The following UBE2L3 variants were observed in gnomAD, a reference collection of about 807,000 sequenced individuals.
UBE2L3 encodes ubiquitin conjugating enzyme E2 L3, also known as ubiquitin-conjugating enzyme E2 L3.
UBE2L3 carries 1 observed loss-of-function variant against 17.8 expected under a neutral mutation model. That is an observed-to-expected ratio of 0.06 (90% confidence interval 0.02 to 0.27). The LOEUF (loss-of-function observed/expected upper bound fraction) is 0.27, where lower values mean the gene tolerates loss of function less well. UBE2L3 is among the 10% of genes least tolerant of loss of function. The pLI is 1.00. For missense variants in UBE2L3, 40 were observed against 192.6 expected, an observed-to-expected ratio of 0.21 and a Z score of 4.69; for synonymous variants, 44 against 68.5, an observed-to-expected ratio of 0.64 and a Z score of 1.76.
intron 1 of UBE2L3, among the ~76,000 whole-genome samples, chr22:21,556,629 AT>A (rs780653296): frequency 5.4e-4 from 71 of 130,392 alleles, no homozygotes; most frequent in Middle Eastern, 3.9e-3. Flanking sequence ...TTTTTTTTGT[AT>A]TTTTTTTTTT....
At chr22:21,614,797 A>G (rs1453466620) in intron 3 of UBE2L3, 1 of 238,032 alleles carries the variant, frequency 4.2e-6, no homozygotes, top group Non-Finnish European at 6.8e-6. Flanking sequence ...TGTTCATAGC[A>G]CCATTATTCA....
upstream of UBE2L3, among the ~76,000 whole-genome samples, chr22:21,563,074 T>G (rs1180476110): frequency 6.7e-6 from 1 of 150,272 alleles, no homozygotes; most frequent in African/African-American, 2.5e-5. Flanking sequence ...AAACCCCGTC[T>G]CTACTAAAAA....
chr22:21,562,993 C>T (rs1601385653), upstream of UBE2L3, among the ~76,000 whole-genome samples: 1 of 151,804 alleles, frequency 6.6e-6, no homozygotes, highest in South Asian at 2.1e-4. Context: ...CCTGTAATCC[C>T]AGCACTTTGG....
chr22:21,567,579 G>C, upstream of UBE2L3: 2 of 1,444,600 alleles, frequency 1.4e-6, no homozygotes, highest in South Asian at 2.9e-5. Flanking sequence ...CGGTTCACTT[G>C]CGTTCCTCCA....
At chr22:21,568,041 C>T (rs1328144426) in intron 1 of UBE2L3, 11 of 1,285,272 alleles carry the variant, frequency 8.6e-6, no homozygotes, top group Non-Finnish European at 9.8e-6. Context: ...GGAGCTTGGC[C>T]GCGTCCCCCT....
At chr22:21,589,869 A>G (rs1258811699) in intron 1 of UBE2L3, among the ~76,000 whole-genome samples, 1 of 152,116 alleles carries the variant, frequency 6.6e-6, no homozygotes, top group Non-Finnish European at 1.5e-5. Context: ...TGATAACCCT[A>G]CTTAGGATTC....
At chr22:21,617,790 T>C (rs1333159451) in intron 3 of UBE2L3, among the ~76,000 whole-genome samples, 1 of 152,216 alleles carries the variant, frequency 6.6e-6, no homozygotes. Context: ...TCAGCTCAGC[T>C]GAAGTTTATT....
chr22:21,557,761 T>G (rs1926289196), intron 1 of UBE2L3, among the ~76,000 whole-genome samples: 2 of 152,242 alleles, frequency 1.3e-5, no homozygotes, highest in Non-Finnish European at 2.9e-5. Context: ...GACCTCGTGA[T>G]CCACCCTCTT....
chr22:21,566,612 G>A (rs1178196899), upstream of UBE2L3, among the ~76,000 whole-genome samples: 1 of 151,204 alleles, frequency 6.6e-6, no homozygotes, highest in African/African-American at 2.4e-5. Flanking sequence ...ATCTGACCAT[G>A]GAGTCAATAC....
chr22:21,587,801 C>T (rs966695380), intron 1 of UBE2L3, among the ~76,000 whole-genome samples: 1 of 152,208 alleles, frequency 6.6e-6, no homozygotes, highest in African/African-American at 2.4e-5. Flanking sequence ...CCATGCTTCA[C>T]ACTTTGCCCT....
At chr22:21,557,647 C>T (rs1348397767) in intron 1 of UBE2L3, among the ~76,000 whole-genome samples, 6 of 152,180 alleles carry the variant, frequency 3.9e-5, no homozygotes, top group East Asian at 1.9e-4. Flanking sequence ...CTCAGCCTCC[C>T]GAGTAGCTGG....
At chr22:21,572,032 T>C (rs1002253104) in intron 1 of UBE2L3, among the ~76,000 whole-genome samples, 1 of 152,196 alleles carries the variant, frequency 6.6e-6, no homozygotes, top group Non-Finnish European at 1.5e-5. Context: ...AAGTTGGGAC[T>C]GTTTCAGCCT....
At chr22:21,597,224 T>C (rs1465548163) in intron 2 of UBE2L3, among the ~76,000 whole-genome samples, 1 of 151,994 alleles carries the variant, frequency 6.6e-6, no homozygotes, top group Non-Finnish European at 1.5e-5. Context: ...AAGTGATCTG[T>C]CCGCCTCAGC....
At position 21,582,671 on chromosome 22, in the gene UBE2L3, G is replaced by A. The variant is rs541099274; in HGVS notation, c.28-10190G>A. On this transcript the variant is annotated intron_variant, in intron 1 of 3. Coordinates refer to ENST00000342192, the MANE Select transcript of UBE2L3 (RefSeq NM_003347.4). ...CACCCGAGTAGCTGGGATTACAGGC[G>A]CTTGCCACCACGCCCAGTTAATTTT... is the stretch of plus-strand genomic sequence containing the variant. Among the ~76,000 whole-genome samples the A allele has an allele frequency of 8.3e-4, 126 of 152,110 alleles. No individual in the cohort carries two copies. The Middle Eastern group carries it at 0.01, about 12-fold the overall frequency.
upstream of UBE2L3, among the ~76,000 whole-genome samples, chr22:21,564,672 T>C (rs1043853722): frequency 2.0e-5 from 3 of 152,234 alleles, no homozygotes; most frequent in African/African-American, 7.2e-5. Context: ...GATCCCACTC[T>C]GTATTCTCAG....
At chr22:21,582,966 C>T (rs1374717062) in intron 1 of UBE2L3, among the ~76,000 whole-genome samples, 1 of 152,160 alleles carries the variant, frequency 6.6e-6, no homozygotes, top group African/African-American at 2.4e-5. Context: ...GTCAGCTCTC[C>T]TTCCTTCTCC....
At chr22:21,568,425 CG>C (rs973410539) in intron 1 of UBE2L3, 37 of 985,282 alleles carry the variant, frequency 3.8e-5, no homozygotes, top group Non-Finnish European at 4.5e-5. Context: ...GATCGCGGCG[CG>C]GTTCTGCTTC....
intron 3 of UBE2L3, among the ~76,000 whole-genome samples, chr22:21,617,248 T>C (rs1340769116): frequency 6.6e-6 from 1 of 151,950 alleles, no homozygotes; most frequent in African/African-American, 2.4e-5. Flanking sequence ...TTGGCTAATT[T>C]GTTGTGTGGG....
chr22:21,609,186 C>T (rs1161574687), intron 2 of UBE2L3, among the ~76,000 whole-genome samples: 2 of 152,082 alleles, frequency 1.3e-5, no homozygotes, highest in Non-Finnish European at 2.9e-5. Flanking sequence ...CGTGAGCCAC[C>T]GCGCCCGGCC....
Sources: allele counts gnomAD v4.1 joint callset (sites outside exome capture counted in the v4.1 genomes callset), GRCh38; gene constraint gnomAD v4.1.1; transcripts MANE v1.5; gene names NCBI Gene and HGNC (gene_info 2026-07-23, HGNC 2026-07-21).